ATP2C1: variants seen among roughly 807,000 people sequenced by gnomAD.
ATP2C1 encodes the protein calcium-transporting ATPase type 2C member 1.
Under a neutral mutation model 120.5 loss-of-function variants are expected in ATP2C1, and 31 were observed. The observed-to-expected ratio is 0.26, with a 90% CI of 0.19 to 0.35. The LOEUF (loss-of-function observed/expected upper bound fraction) is 0.35. ATP2C1 is among the 10% of genes least tolerant of loss of function. ATP2C1 has a pLI of 1.00. For synonymous variants in ATP2C1, 351 were observed against 358.7 expected (o/e 0.98, Z 0.24); for missense variants, 731 against 1,107.5 (o/e 0.66, Z 4.83).
At chr3:130,885,091 G>T (rs1261019736) in intron 1 of ATP2C1, among the ~76,000 whole-genome samples, 1 of 151,854 alleles carries the variant, frequency 6.6e-6, no homozygotes, top group Admixed American at 6.6e-5. Context: ...CTGCGACAAC[G>T]CCCAGCTAAT....
At chr3:130,987,134 C>A (rs1039993099) in intron 20 of ATP2C1, among the ~76,000 whole-genome samples, 5 of 151,314 alleles carry the variant, frequency 3.3e-5, no homozygotes, top group Non-Finnish European at 7.4e-5. Flanking sequence ...AAAGAAAATC[C>A]ATTTCTGAAT....
chr3:130,890,248 GTC>G (rs1330118453), upstream of ATP2C1, among the ~76,000 whole-genome samples: 3 of 152,154 alleles, frequency 2.0e-5, no homozygotes, highest in African/African-American at 7.2e-5. Context: ...AATATTGTAT[GTC>G]TGTTTTCCAT....
At chr3:131,010,519 A>G (rs1228405561) in intron 26 of ATP2C1, among the ~76,000 whole-genome samples, 1 of 152,164 alleles carries the variant, frequency 6.6e-6, no homozygotes, top group African/African-American at 2.4e-5. Context: ...TAAACATGCC[A>G]AGGGCTCTTT....
chr3:130,893,016 A>C (rs2069241796), upstream of ATP2C1, among the ~76,000 whole-genome samples: 1 of 152,178 alleles, frequency 6.6e-6, no homozygotes, highest in African/African-American at 2.4e-5. Context: ...GCATATACGG[A>C]AATTTTCTTT....
At chr3:130,918,678 C>G in intron 2 of ATP2C1, 1 of 512,512 alleles carries the variant, frequency 2.0e-6, no homozygotes, top group Non-Finnish European at 3.7e-6. Context: ...TAAATTATTC[C>G]TGCAAATCAT....
At chr3:130,899,272 C>G (rs1021044559) in intron 2 of ATP2C1, 4 of 152,122 alleles carry the variant, frequency 2.6e-5, no homozygotes, top group African/African-American at 9.7e-5. Flanking sequence ...TCTCTGAAAA[C>G]TAAACTACTA....
upstream of ATP2C1, among the ~76,000 whole-genome samples, chr3:130,892,095 C>T (rs997188342): frequency 3.3e-5 from 5 of 152,166 alleles, no homozygotes; most frequent in African/African-American, 1.2e-4. Context: ...AGCTATAAAT[C>T]TTTTGGAGGA....
intron 24 of ATP2C1, 57 bp from the exon 25 acceptor site, chr3:130,997,549 G>A (rs2062686491): frequency 1.3e-6 from 2 of 1,543,712 alleles, no homozygotes; most frequent in Non-Finnish European, 1.8e-6. Context: ...GGTTGTGAAA[G>A]TAACAAATCC....
intron 2 of ATP2C1, among the ~76,000 whole-genome samples, chr3:130,899,109 G>C (rs1288372156): frequency 6.6e-6 from 1 of 152,016 alleles, no homozygotes; most frequent in African/African-American, 2.4e-5. Context: ...TGAAAGAAAG[G>C]ATCTCTCAAA....
At chr3:130,972,913 G>C (rs2061392721) in intron 17 of ATP2C1, among the ~76,000 whole-genome samples, 1 of 151,404 alleles carries the variant, frequency 6.6e-6, no homozygotes, top group East Asian at 1.9e-4. Flanking sequence ...AACCAACAGA[G>C]AAAGGGATCT....
intron 22 of ATP2C1, among the ~76,000 whole-genome samples, chr3:130,994,460 A>G (rs572482146): frequency 6.6e-6 from 1 of 152,306 alleles, no homozygotes; most frequent in East Asian, 1.9e-4. Flanking sequence ...ATTGAAAATT[A>G]TGAAGTTTAC....
At chr3:130,912,891 G>C (rs2058500526) in intron 2 of ATP2C1, among the ~76,000 whole-genome samples, 1 of 151,978 alleles carries the variant, frequency 6.6e-6, no homozygotes, top group Non-Finnish European at 1.5e-5. Flanking sequence ...AAGAAAATGT[G>C]GCACATATAC....
At chr3:130,917,066 C>T (rs1435127474) in intron 2 of ATP2C1, among the ~76,000 whole-genome samples, 1 of 152,198 alleles carries the variant, frequency 6.6e-6, no homozygotes, top group African/African-American at 2.4e-5. Flanking sequence ...AGAAACTGTA[C>T]TTCTGTTCTT....
exon 27 of ATP2C1, chr3:131,016,360 A>G (rs761832164): frequency 6.2e-7 from 1 of 1,614,008 alleles, no homozygotes; most frequent in South Asian, 1.1e-5. Context: ...AAACAGCCCA[A>G]GGGCAGTATT....
At chr3:130,956,265 T>A in intron 11 of ATP2C1, 86 bp downstream of exon 11, 1 of 776,460 alleles carries the variant, frequency 1.3e-6, no homozygotes, top group Non-Finnish European at 2.1e-6. Context: ...TTTTATTTAT[T>A]GGCTTTTCTT....
rs932809345 is a variant in ATP2C1, at chr3:130,981,018, T to C, written c.1839+339T>C. ...TATACTTCTTACTCTTTTGTTCAAT[T>C]TTAATTTTAGCATGAGTATGTGATT... On this transcript the variant is annotated intron_variant, in intron 20 of 27. Transcript: ENST00000510168. Among the ~76,000 whole-genome samples, 4 of 152,306 alleles carry C rather than the reference T, an allele frequency of 2.6e-5. No homozygotes were observed. The East Asian group carries it at 7.7e-4, about 29-fold the overall frequency.
chr3:130,952,947 A>G (rs1272101209), intron 8 of ATP2C1, among the ~76,000 whole-genome samples: 2 of 152,092 alleles, frequency 1.3e-5, no homozygotes, highest in South Asian at 2.1e-4. Flanking sequence ...GCTTTGCTGT[A>G]TATCTGTATT....
chr3:130,956,037 C>T (rs147112088), intron 10 of ATP2C1, 67 bp from the exon 11 acceptor site: 5 of 1,071,430 alleles, frequency 4.7e-6, no homozygotes, highest in African/African-American at 4.7e-5. Flanking sequence ...CTTAGCAAGC[C>T]CCTGGCACTT....
chr3:130,999,789 A>AT (rs1264262761), intron 27 of ATP2C1, 130 bp downstream of exon 27: 2 of 922,478 alleles, frequency 2.2e-6, no homozygotes, highest in African/African-American at 3.3e-5. Flanking sequence ...AAAGGAGTCT[A>AT]TTTTTTCACT....
Sources: gnomAD v4.1 joint callset for allele counts (sites outside exome capture counted in the v4.1 genomes callset) on GRCh38, gnomAD v4.1.1 for gene constraint, MANE v1.5 for transcripts, NCBI Gene and HGNC (gene_info 2026-07-23, HGNC 2026-07-21) for gene names.